TUNAR: variants seen among roughly 807,000 people sequenced by gnomAD.
TUNAR encodes the protein protein TUNAR.
intron 2 of TUNAR, among the ~76,000 whole-genome samples, chr14:95,904,141 C>G (rs1283077818): frequency 1.3e-5 from 2 of 152,194 alleles, no homozygotes; most frequent in Non-Finnish European, 2.9e-5. Context: ...TGTAATAGTT[C>G]ACTCCCCTGT....
At chr14:95,890,387 C>A (rs1321908890) in intron 2 of TUNAR, among the ~76,000 whole-genome samples, 1 of 152,208 alleles carries the variant, frequency 6.6e-6, no homozygotes, top group Non-Finnish European at 1.5e-5. Context: ...CAGCCCCAAC[C>A]CTACATTTGT....
chr14:95,886,003 A>G (rs1272623788), intron 2 of TUNAR, among the ~76,000 whole-genome samples: 1 of 152,162 alleles, frequency 6.6e-6, no homozygotes, highest in Non-Finnish European at 1.5e-5. Context: ...AAGGAAAGCA[A>G]GGTAGCCGCT....
At chr14:95,924,177 G>A (rs570989088) in exon 3 of TUNAR, 6 of 152,276 alleles carry the variant, frequency 3.9e-5, no homozygotes, top group African/African-American at 1.4e-4. Flanking sequence ...CTCAAAAGCG[G>A]GTGGGGTATA....
chr14:95,916,252 A>G (rs1200965106), intron 2 of TUNAR, among the ~76,000 whole-genome samples: 1 of 152,200 alleles, frequency 6.6e-6, no homozygotes, highest in Non-Finnish European at 1.5e-5. Flanking sequence ...AGTGGGAACC[A>G]CTACGTCGGC....
intron 2 of TUNAR, among the ~76,000 whole-genome samples, chr14:95,907,767 C>T (rs1390313323): frequency 6.6e-6 from 1 of 152,162 alleles, no homozygotes; most frequent in Non-Finnish European, 1.5e-5. Flanking sequence ...ATTTCTGCAG[C>T]TCTCAGCAGA....
At chr14:95,886,763 AT>A (rs1889084272) in intron 2 of TUNAR, among the ~76,000 whole-genome samples, 1 of 152,188 alleles carries the variant, frequency 6.6e-6, no homozygotes, top group Non-Finnish European at 1.5e-5. Flanking sequence ...GTCGGTCATG[AT>A]CCCTGAGGCC....
chr14:95,894,002 G>A (rs35085213), intron 2 of TUNAR, among the ~76,000 whole-genome samples: 1,787 of 152,340 alleles, frequency 0.012, 25 homozygotes, highest in Non-Finnish European at 0.018. Context: ...ATTCAAAGTC[G>A]CAAGACGATT....
intron 2 of TUNAR, among the ~76,000 whole-genome samples, chr14:95,919,970 G>A (rs1010388767): frequency 2.0e-5 from 3 of 152,122 alleles, no homozygotes; most frequent in Non-Finnish European, 4.4e-5. Context: ...AATGTTCATA[G>A]CAGCATTATT....
chr14:95,918,697 A>T (rs1218151063), intron 2 of TUNAR, among the ~76,000 whole-genome samples: 1 of 152,206 alleles, frequency 6.6e-6, no homozygotes, highest in Non-Finnish European at 1.5e-5. Context: ...CTTCCTCCTG[A>T]GTCAGAGTTA....
Position 95,887,562 on chromosome 14 carries a change from G to A in TUNAR, c.12+10385G>A, listed in dbSNP as rs1313235395. 2.6e-5 allele frequency among the ~76,000 whole-genome samples: 4 copies of A among 152,200 alleles called. No individual in the cohort carries two copies. In the East Asian group the frequency reaches 7.7e-4, roughly 29 times the overall value. ...TAAAATGCATCCGTCACAGCCCCGTGCAACATAAAGGAATTGTTTGCAAAC... is the reference window on the plus strand; with the variant it reads ...TAAAATGCATCCGTCACAGCCCCGTACAACATAAAGGAATTGTTTGCAAAC... On this transcript the variant is annotated intron_variant, in intron 2 of 2. Transcript: ENST00000678517.
chr14:95,901,408 T>C (rs1017054847), intron 2 of TUNAR, among the ~76,000 whole-genome samples: 13 of 152,230 alleles, frequency 8.5e-5, no homozygotes, highest in Non-Finnish European at 1.9e-4. Flanking sequence ...ACCCTCCTTC[T>C]GTAAGCATTT....
chr14:95,894,293 G>A (rs1420579835), intron 2 of TUNAR, among the ~76,000 whole-genome samples: 4 of 152,266 alleles, frequency 2.6e-5, no homozygotes, highest in East Asian at 1.9e-4. Context: ...TGCATTTGAT[G>A]TTAACGAGCT....
chr14:95,920,514 G>C (rs890568894), intron 2 of TUNAR, among the ~76,000 whole-genome samples: 1 of 152,178 alleles, frequency 6.6e-6, no homozygotes, highest in Non-Finnish European at 1.5e-5. Flanking sequence ...CTAGTAAACC[G>C]AAGTTGTGAA....
intron 2 of TUNAR, among the ~76,000 whole-genome samples, chr14:95,919,818 G>A (rs1413530817): frequency 6.6e-6 from 1 of 152,146 alleles, no homozygotes; most frequent in Non-Finnish European, 1.5e-5. Flanking sequence ...AGCAAGTATG[G>A]GAACATGTTA....
At position 95,922,503 on chromosome 14, in the gene TUNAR, GA is replaced by G. The variant is rs556230132; in HGVS notation, c.13-274del. 3.3e-3 allele frequency among the ~76,000 whole-genome samples: 497 copies of G among 152,294 alleles called. 1 individual carries two copies. The highest frequency in any genetic ancestry group is 5.6e-3 in the Non-Finnish European group (382 of 68,030). Reference sequence around the variant, plus strand: ...CAGTTTCTCCTTCAAGGGAAGGGGGGAAAACCAGCTCAACAAAGTGGGTGAT... The same window carrying G: ...CAGTTTCTCCTTCAAGGGAAGGGGGGAAACCAGCTCAACAAAGTGGGTGAT... On this transcript the variant is annotated intron_variant, in intron 2 of 2. Transcript: ENST00000678517.
intron 2 of TUNAR, among the ~76,000 whole-genome samples, chr14:95,894,557 C>T (rs999989244): frequency 7.2e-5 from 11 of 152,068 alleles, no homozygotes; most frequent in Admixed American, 3.3e-4. Flanking sequence ...TCCTGCTTGT[C>T]GAAACACTTT....
intron 2 of TUNAR, among the ~76,000 whole-genome samples, chr14:95,909,139 T>G (rs1356602357): frequency 6.6e-6 from 1 of 152,220 alleles, no homozygotes; most frequent in East Asian, 1.9e-4. Context: ...TAATTTACCC[T>G]TAAGTGTCAG....
At chr14:95,896,792 T>TGCAGTTTGCAG in intron 2 of TUNAR, among the ~76,000 whole-genome samples, 1 of 152,248 alleles carries the variant, frequency 6.6e-6, no homozygotes. Flanking sequence ...AGCAGAGTAC[T>TGCAGTTTGCAG]CTGCAGTTTG....
At chr14:95,907,011 T>G (rs2139665799) in intron 2 of TUNAR, among the ~76,000 whole-genome samples, 1 of 152,342 alleles carries the variant, frequency 6.6e-6, no homozygotes, top group South Asian at 2.1e-4. Context: ...GCCCCTTTCT[T>G]CCATGAGGTG....
Sources: gnomAD v4.1 joint callset for allele counts (sites outside exome capture counted in the v4.1 genomes callset) on GRCh38, gnomAD v4.1.1 for gene constraint, MANE v1.5 for transcripts, NCBI Gene and HGNC (gene_info 2026-07-23, HGNC 2026-07-21) for gene names.